Variants in ZNF215 observed in about 807,000 individuals in gnomAD.
The protein encoded by ZNF215 is BWSCR2-associated zinc finger protein 2.
ZNF215 carries 24 observed loss-of-function variants against 27.2 expected under a neutral mutation model. The observed-to-expected ratio is 0.88, with a 90% CI of 0.64 to 1.24. The LOEUF is 1.24. ZNF215 is among the 50% of genes most tolerant of loss of function. The probability of loss-of-function intolerance (pLI) is 0.00; values close to 1 mark genes in which losing one functional copy is unlikely to be tolerated. For synonymous variants in ZNF215, 210 were observed against 204.0 expected (o/e 1.03, Z -0.25); for missense variants, 675 against 605.7 (o/e 1.11, Z -1.20).
intron 5 of ZNF215, among the ~76,000 whole-genome samples, chr11:6,983,328 T>C (rs1324774498): frequency 6.6e-6 from 1 of 151,918 alleles, no homozygotes; most frequent in Non-Finnish European, 1.5e-5. Context: ...CTACCAGAGG[T>C]ACAAGGAGGA....
At chr11:6,948,200 T>G (rs990572807) in intron 6 of ZNF215, among the ~76,000 whole-genome samples, 6 of 152,214 alleles carry the variant, frequency 3.9e-5, no homozygotes, top group African/African-American at 1.4e-4. Context: ...AATATTTGTG[T>G]TCTTCTCCCT....
intron 6 of ZNF215, among the ~76,000 whole-genome samples, chr11:6,944,970 G>A (rs1215743432): frequency 6.6e-6 from 1 of 151,810 alleles, no homozygotes; most frequent in East Asian, 1.9e-4. Context: ...TTAGATTGTT[G>A]CCAATTTTTC....
At chr11:6,959,378 C>T (rs149206214), downstream of ZNF215, among the ~76,000 whole-genome samples, 185 of 152,234 alleles carry the variant, frequency 1.2e-3, no homozygotes, top group African/African-American at 4.4e-3. Flanking sequence ...TTGTAAGCCA[C>T]TTTAGAAGTT....
chr11:6,935,364 T>C (rs1401318540), intron 3 of ZNF215, among the ~76,000 whole-genome samples: 1 of 152,232 alleles, frequency 6.6e-6, no homozygotes, highest in Non-Finnish European at 1.5e-5. Context: ...ACAATGCATC[T>C]GCAGAGACCA....
chr11:6,945,171 G>A (rs1471300336), intron 6 of ZNF215, among the ~76,000 whole-genome samples: 1 of 151,908 alleles, frequency 6.6e-6, no homozygotes, highest in Non-Finnish European at 1.5e-5. Flanking sequence ...TTACTTACCC[G>A]AATTCTTTAT....
intron 5 of ZNF215, among the ~76,000 whole-genome samples, chr11:6,981,229 G>T (rs1174656968): frequency 1.3e-5 from 2 of 149,218 alleles, no homozygotes; most frequent in Admixed American, 1.3e-4. Flanking sequence ...CCCACCAACA[G>T]TGTAAAAGTG....
Position 6,929,367 on chromosome 11 carries a change from ATAC to A in ZNF215, c.-180+1564_-180+1566del, listed in dbSNP as rs1849173660. On this transcript the variant is annotated intron_variant, in intron 2 of 6. Coordinates refer to ENST00000278319, the MANE Select transcript of ZNF215 (RefSeq NM_013250.4). ...TATAGAACATTTCTTACAATTAATA[ATAC>A]TACATTAACTAAAGTCCATGCTTTA... 3.3e-5 allele frequency among the ~76,000 whole-genome samples: 5 copies of A among 152,230 alleles called. No individual in the cohort carries two copies. The South Asian group carries it at 1.0e-3, about 32-fold the overall frequency.
intron 5 of ZNF215, among the ~76,000 whole-genome samples, chr11:6,975,481 T>G (rs888138868): frequency 6.6e-6 from 1 of 151,994 alleles, no homozygotes; most frequent in African/African-American, 2.4e-5. Context: ...TATTTTTTTT[T>G]TGTTCCCATT....
rs144240336 is a variant in ZNF215 at position 6,957,413 on chromosome 11, T to A, written c.*882T>A. 951 of 169,774 alleles carry A rather than the reference T, an allele frequency of 5.6e-3. 15 individuals are homozygous for A. The highest frequency in any genetic ancestry group is 0.016 in the South Asian group (84 of 5,158). The allele number at this position is 169,774 out of a possible 1,614,324, so 10.5% of individuals were successfully genotyped here. ...TGCCCTGCAGTGGAATGGCTCCTAA[T>A]CAGGGTTTGTTCCCACCATTGCCCT... On this transcript the variant is annotated 3_prime_UTR_variant, in exon 7 of 7. Coordinates refer to ENST00000278319, the MANE Select transcript of ZNF215 (RefSeq NM_013250.4).
chr11:6,971,780 G>A lies in ZNF215; in HGVS notation c.806-12349G>A, dbSNP rs189405315. 3.3e-5 allele frequency among the ~76,000 whole-genome samples: 5 copies of A among 152,022 alleles called. No individual in the cohort carries two copies. The East Asian group carries it at 7.7e-4, about 23-fold the overall frequency. ...TCAGCCTTAGTTAAAATTTATCATC[G>A]AAACCATAGACATAAAGTTAAAACA... is the stretch of plus-strand genomic sequence containing the variant. On this transcript the variant is annotated intron_variant, in intron 5 of 5. Coordinates refer to the ZNF215 transcript ENST00000529903.
intron 6 of ZNF215, among the ~76,000 whole-genome samples, chr11:6,950,239 T>A (rs1402794884): frequency 6.9e-6 from 1 of 145,274 alleles, no homozygotes; most frequent in Non-Finnish European, 1.5e-5. Context: ...CCATATGAAC[T>A]TTAAAGTAGT....
rs544830141 is a variant in ZNF215, at chr11:6,952,665, T to G, written c.713-3025T>G. 2.0e-5 allele frequency among the ~76,000 whole-genome samples: 3 copies of G among 152,194 alleles called. No homozygotes were observed. In the South Asian group the frequency reaches 6.2e-4, roughly 32 times the overall value. The stretch of plus-strand genomic sequence containing the variant: ...GATGGGTTTCCTGAATACAGCACAC[T>G]GATGGGTCTTGACTCTTTATCCAAT... On this transcript the variant is annotated intron_variant, in intron 6 of 6. Coordinates refer to ENST00000278319, the MANE Select transcript of ZNF215 (RefSeq NM_013250.4).
chr11:6,955,068 T>TA (rs1271356248), intron 6 of ZNF215, among the ~76,000 whole-genome samples: 3 of 152,212 alleles, frequency 2.0e-5, no homozygotes, highest in African/African-American at 7.2e-5. Context: ...GGAAGTACAG[T>TA]AGAAAAGTAC....
At chr11:6,982,798 G>C (rs1180241351) in intron 5 of ZNF215, among the ~76,000 whole-genome samples, 4 of 151,828 alleles carry the variant, frequency 2.6e-5, no homozygotes, top group Non-Finnish European at 5.9e-5. Context: ...GCCCACAAGA[G>C]AAAGCAGGAA....
chr11:6,961,689 A>G (rs1238731785), downstream of ZNF215, among the ~76,000 whole-genome samples: 1 of 152,084 alleles, frequency 6.6e-6, no homozygotes, highest in Non-Finnish European at 1.5e-5. Context: ...TTTGATTCTT[A>G]ATTGTGTATT....
chr11:6,947,559 C>A (rs1449831291), intron 6 of ZNF215, among the ~76,000 whole-genome samples: 1 of 151,868 alleles, frequency 6.6e-6, no homozygotes, highest in African/African-American at 2.4e-5. Context: ...AAATAAATAA[C>A]AAAATAAAAA....
At chr11:6,965,265 C>T (rs1466750836) in intron 5 of ZNF215, among the ~76,000 whole-genome samples, 2 of 151,986 alleles carry the variant, frequency 1.3e-5, no homozygotes, top group African/African-American at 4.8e-5. Flanking sequence ...CTGAGAGTGC[C>T]GCTTGTGTAC....
chr11:6,974,395 T>A (rs1850786961), intron 5 of ZNF215, among the ~76,000 whole-genome samples: 1 of 152,208 alleles, frequency 6.6e-6, no homozygotes, highest in Non-Finnish European at 1.5e-5. Context: ...TTTGGTTCCA[T>A]ATGAACTTTA....
At chr11:6,961,926 C>T (rs1850524347), downstream of ZNF215, among the ~76,000 whole-genome samples, 2 of 152,090 alleles carry the variant, frequency 1.3e-5, no homozygotes, top group South Asian at 4.1e-4. Context: ...AAAGGTTATC[C>T]CTGTGCTTTT....
Sources: gnomAD v4.1 joint callset for allele counts (sites outside exome capture counted in the v4.1 genomes callset) on GRCh38, gnomAD v4.1.1 for gene constraint, MANE v1.5 for transcripts, NCBI Gene and HGNC (gene_info 2026-07-23, HGNC 2026-07-21) for gene names.